Variants in IL2RB observed in about 807,000 individuals in gnomAD.
The protein encoded by IL2RB is interleukin-2 receptor subunit beta.
In IL2RB, 17 loss-of-function variants were observed where a neutral mutation model predicts 44.2. That is an observed-to-expected ratio of 0.38 (90% CI 0.26 to 0.58). The LOEUF is 0.58. IL2RB is among the 20% of genes least tolerant of loss of function. The pLI is 0.63. For synonymous variants in IL2RB, 286 were observed against 297.9 expected (o/e 0.96, Z 0.41); for missense variants, 624 against 685.5 (o/e 0.91, Z 1.00).
chr22:37,152,114 T>C (rs552567861), upstream of IL2RB, among the ~76,000 whole-genome samples: 98 of 152,334 alleles, frequency 6.4e-4, no homozygotes, highest in African/African-American at 2.3e-3. Context: ...AGAATGTCAT[T>C]AGTATTTTGA....
chr22:37,173,596 C>G (rs1601617555), intron 1 of IL2RB, among the ~76,000 whole-genome samples: 1 of 152,212 alleles, frequency 6.6e-6, no homozygotes, highest in Admixed American at 6.5e-5. Flanking sequence ...CTCCTTTAAT[C>G]CTCACAACAG....
chr22:37,164,735 C>G (rs1243196649), intron 1 of IL2RB, among the ~76,000 whole-genome samples: 1 of 152,130 alleles, frequency 6.6e-6, no homozygotes, highest in African/African-American at 2.4e-5. Context: ...ATCACCGAGG[C>G]TCCAGAGAGC....
At chr22:37,145,495 A>G (rs1569047679) in intron 1 of IL2RB, among the ~76,000 whole-genome samples, 1 of 151,882 alleles carries the variant, frequency 6.6e-6, no homozygotes, top group African/African-American at 2.4e-5. Context: ...AGCTCCCGTG[A>G]GGCAAGACCA....
intron 1 of IL2RB, among the ~76,000 whole-genome samples, chr22:37,165,970 T>C (rs996047074): frequency 3.9e-5 from 6 of 152,236 alleles, no homozygotes; most frequent in Non-Finnish European, 7.3e-5. Context: ...TCATGGCCTG[T>C]CTGGTGTGCA....
At chr22:37,153,081 C>T (rs574222379), upstream of IL2RB, among the ~76,000 whole-genome samples, 3 of 152,104 alleles carry the variant, frequency 2.0e-5, no homozygotes, top group East Asian at 3.9e-4. Context: ...ATTACAGGCA[C>T]GTGCTACCAT....
At chr22:37,163,009 C>T (rs1922934971) in intron 1 of IL2RB, among the ~76,000 whole-genome samples, 1 of 152,242 alleles carries the variant, frequency 6.6e-6, no homozygotes, top group African/African-American at 2.4e-5. Context: ...GGCATGAGCA[C>T]TGGACTGAGG....
intron 6 of IL2RB, among the ~76,000 whole-genome samples, chr22:37,137,170 G>T (rs1921749960): frequency 6.6e-6 from 1 of 152,214 alleles, no homozygotes; most frequent in South Asian, 2.1e-4. Flanking sequence ...CATAGTAGGT[G>T]CTCAGCAAAT....
chr22:37,132,211 C>G (rs1921467930), intron 9 of IL2RB, among the ~76,000 whole-genome samples, 173 bp downstream of exon 9: 1 of 152,206 alleles, frequency 6.6e-6, no homozygotes, highest in African/African-American at 2.4e-5. Flanking sequence ...CCCAGGCAGT[C>G]TGGCTCAGAT....
chr22:37,140,201 G>A (rs1386534475), intron 4 of IL2RB, among the ~76,000 whole-genome samples: 1 of 151,956 alleles, frequency 6.6e-6, no homozygotes, highest in Non-Finnish European at 1.5e-5. Flanking sequence ...CCCCAAACTG[G>A]CCAGTTCCTC....
intron 3 of IL2RB, among the ~76,000 whole-genome samples, chr22:37,143,073 C>G (rs1208179555): frequency 2.0e-5 from 3 of 152,160 alleles, no homozygotes; most frequent in Non-Finnish European, 2.9e-5. Flanking sequence ...TGACATCTCT[C>G]TCCCATCCAC....
intron 5 of IL2RB, 38 bp from the exon 6 acceptor site, chr22:37,137,773 T>C: frequency 6.3e-7 from 1 of 1,586,414 alleles, no homozygotes; most frequent in Non-Finnish European, 8.6e-7. Context: ...CAGTCAGCCA[T>C]GACCTCCACC....
At chr22:37,159,488 G>C (rs941814898) in intron 1 of IL2RB, among the ~76,000 whole-genome samples, 1 of 152,136 alleles carries the variant, frequency 6.6e-6, no homozygotes, top group African/African-American at 2.4e-5. Flanking sequence ...ATTTCAGGAA[G>C]GGGGAAGGAG....
At chr22:37,134,751 C>A (rs1921598035) in intron 8 of IL2RB, among the ~76,000 whole-genome samples, 1 of 152,208 alleles carries the variant, frequency 6.6e-6, no homozygotes, top group Non-Finnish European at 1.5e-5. Context: ...CCTCTGCCAT[C>A]CTGATCCCGG....
chr22:37,159,758 G>A (rs1316853796), intron 1 of IL2RB, among the ~76,000 whole-genome samples: 3 of 152,224 alleles, frequency 2.0e-5, no homozygotes, highest in Non-Finnish European at 2.9e-5. Context: ...GGGAAGTTCT[G>A]GACTAGGGCA....
At chr22:37,161,637 A>G (rs1209387914) in intron 1 of IL2RB, among the ~76,000 whole-genome samples, 10 of 151,566 alleles carry the variant, frequency 6.6e-5, no homozygotes, top group Admixed American at 6.6e-4. Context: ...CCTCAGTTCC[A>G]GACCACAGGC....
rs377199088 is a variant in IL2RB, at chr22:37,155,090, G to A, written c.-33-10885C>T. On this transcript the variant is annotated intron_variant, in intron 1 of 5. Coordinates refer to the IL2RB transcript ENST00000429622. ...TCTGACTCATACAGTCTGTCCCCCAGGTGCTACAGCTGAACATAAAACCAG... is the reference window on the plus strand; with the variant it reads ...TCTGACTCATACAGTCTGTCCCCCAAGTGCTACAGCTGAACATAAAACCAG... Among the ~76,000 whole-genome samples the A allele has an allele frequency of 1.6e-3, 240 of 152,276 alleles. 1 individual carries two copies. Among genetic ancestry groups the A allele is most frequent in the Middle Eastern group, 6.8e-3 (2 of 294 alleles).
intron 1 of IL2RB, among the ~76,000 whole-genome samples, chr22:37,164,718 C>T (rs1309603610): frequency 1.3e-5 from 2 of 152,084 alleles, no homozygotes; most frequent in Non-Finnish European, 2.9e-5. Context: ...ACACCAGAGG[C>T]TCCAGCATCA....
intron 1 of IL2RB, among the ~76,000 whole-genome samples, chr22:37,146,619 G>A (rs570766867): frequency 3.7e-4 from 56 of 152,218 alleles, no homozygotes; most frequent in East Asian, 9.6e-4. Flanking sequence ...CCTGATTTCC[G>A]TGATGGAGGG....
At chr22:37,171,909 C>G (rs187164332) in intron 1 of IL2RB, among the ~76,000 whole-genome samples, 2 of 152,302 alleles carry the variant, frequency 1.3e-5, no homozygotes, top group Admixed American at 1.3e-4. Flanking sequence ...TTTGAGCTCG[C>G]TACTCTTGCA....
Sources: allele counts gnomAD v4.1 joint callset (sites outside exome capture counted in the v4.1 genomes callset), GRCh38; gene constraint gnomAD v4.1.1; transcripts MANE v1.5; gene names NCBI Gene and HGNC (gene_info 2026-07-23, HGNC 2026-07-21).